Variants in MAGI2 observed in about 807,000 individuals in gnomAD.
The protein encoded by MAGI2 is membrane associated guanylate kinase, WW and PDZ domain containing 2.
In MAGI2, 35 loss-of-function variants were observed where a neutral mutation model predicts 133.3. The observed-to-expected ratio is 0.26, with a 90% CI of 0.20 to 0.35. MAGI2 has a LOEUF of 0.35. Ranked by LOEUF, MAGI2 falls within the 10% of genes least tolerant of loss-of-function variation. The pLI, the probability that MAGI2 is intolerant of heterozygous loss-of-function variation, is 1.00. For missense variants in MAGI2, 1,636 were observed against 1,863.4 expected, an observed-to-expected ratio of 0.88 and a Z score of 2.25; for synonymous variants, 729 against 710.6, an observed-to-expected ratio of 1.03 and a Z score of -0.41.
chr7:78,872,269 A>T (rs1584234405), intron 2 of MAGI2, among the ~76,000 whole-genome samples: 1 of 152,092 alleles, frequency 6.6e-6, no homozygotes, highest in South Asian at 2.1e-4. Flanking sequence ...ATGCAAAAAA[A>T]CCTAGATAAA....
chr7:78,275,873 A>G (rs1795013390), intron 9 of MAGI2, among the ~76,000 whole-genome samples: 1 of 152,222 alleles, frequency 6.6e-6, no homozygotes, highest in Non-Finnish European at 1.5e-5. Flanking sequence ...CAGTTCTCTT[A>G]GGTCTAGAAC....
At chr7:79,328,545 C>A (rs937307190) in intron 1 of MAGI2, among the ~76,000 whole-genome samples, 4 of 152,304 alleles carry the variant, frequency 2.6e-5, no homozygotes, top group African/African-American at 9.6e-5. Context: ...ATATTATGTA[C>A]ATTAAAGCAA....
At chr7:78,495,658 T>A (rs61593112) in intron 5 of MAGI2, among the ~76,000 whole-genome samples, 4,720 of 152,304 alleles carry the variant, frequency 0.031, 237 homozygotes, top group African/African-American at 0.11. Flanking sequence ...CTACTGTCAA[T>A]GAGTTCTTTA....
At chr7:78,143,211 C>T (rs955997102) in intron 16 of MAGI2, among the ~76,000 whole-genome samples, 15 of 151,976 alleles carry the variant, frequency 9.9e-5, no homozygotes, top group Admixed American at 4.6e-4. Flanking sequence ...AACAGCAAGC[C>T]GATTCAGTAA....
chr7:79,381,551 T>C (rs1378562539), intron 1 of MAGI2, among the ~76,000 whole-genome samples: 1 of 151,812 alleles, frequency 6.6e-6, no homozygotes, highest in Non-Finnish European at 1.5e-5. Context: ...CTATGTAGCG[T>C]CTATTAATGC....
rs138409985 is a variant in MAGI2, at chr7:78,512,452, C to G, written c.754+8978G>C. ...ACAGAGTCTTGCTCCATCGCCCAGG[C>G]TGGAGTGTAGTGGTGCGATCTCAGC... On this transcript the variant is annotated intron_variant, in intron 4 of 21. Transcript: ENST00000354212. Among the ~76,000 whole-genome samples the G allele has an allele frequency of 2.5e-3, 387 of 152,298 alleles. 9 individuals are homozygous for G. The East Asian group carries it at 0.045, about 18-fold the overall frequency.
At chr7:78,911,290 A>T (rs1377076743) in intron 2 of MAGI2, among the ~76,000 whole-genome samples, 1 of 152,196 alleles carries the variant, frequency 6.6e-6, no homozygotes, top group South Asian at 2.1e-4. Context: ...TGATTGATTA[A>T]CCAACTGTAT....
intron 9 of MAGI2, among the ~76,000 whole-genome samples, chr7:78,310,101 GTTTT>G (rs750769326): frequency 1.1e-3 from 173 of 152,104 alleles, no homozygotes; most frequent in Admixed American, 2.7e-3. Context: ...ATTAAAATAA[GTTTT>G]TTATTTTATG....
intron 1 of MAGI2, among the ~76,000 whole-genome samples, chr7:79,058,785 T>G (rs1219281727): frequency 3.3e-5 from 5 of 152,118 alleles, no homozygotes; most frequent in Non-Finnish European, 7.4e-5. Context: ...AGAATTGCAG[T>G]GGACCATTAG....
intron 1 of MAGI2, among the ~76,000 whole-genome samples, chr7:79,101,672 C>T (rs1426259400): frequency 1.4e-5 from 2 of 140,996 alleles, no homozygotes; most frequent in African/African-American, 2.6e-5. Flanking sequence ...TGTAGTGAGC[C>T]GAGATCGCGC....
rs904172403 is a variant in MAGI2 at position 78,315,244 on chromosome 7, G to T, written c.1408+28534C>A. On this transcript the variant is annotated intron_variant, in intron 9 of 21. Coordinates refer to ENST00000354212, the MANE Select transcript of MAGI2 (RefSeq NM_012301.4). ...GGACATCAGTAAGCAATATGACCTG[G>T]TATTAAGTGAGAGACATCACTTGGG... Among the ~76,000 whole-genome samples, 4 of 152,078 alleles carry T rather than the reference G, an allele frequency of 2.6e-5. No individual in the cohort carries two copies. The South Asian group carries it at 8.3e-4, about 32-fold the overall frequency.
At chr7:78,559,604 G>A (rs559807744) in intron 3 of MAGI2, among the ~76,000 whole-genome samples, 1 of 152,150 alleles carries the variant, frequency 6.6e-6, no homozygotes, top group South Asian at 2.1e-4. Context: ...AAATTGTCCT[G>A]CTGAAAGGGA....
At chr7:78,592,353 T>TTTTTC (rs71858517) in intron 3 of MAGI2, among the ~76,000 whole-genome samples, 1 of 151,738 alleles carries the variant, frequency 6.6e-6, no homozygotes, top group East Asian at 1.9e-4. Flanking sequence ...TTTTTTTTTT[T>TTTTTC]CCTGTAAAGG....
At chr7:78,635,755 C>T (rs1286162560) in intron 2 of MAGI2, among the ~76,000 whole-genome samples, 1 of 152,208 alleles carries the variant, frequency 6.6e-6, no homozygotes, top group Non-Finnish European at 1.5e-5. Context: ...AAGTTGGTCA[C>T]AGTTACTCAT....
chr7:78,555,170 A>AAATAAATAAATAAATG (rs1163688347), intron 3 of MAGI2, among the ~76,000 whole-genome samples: 680 of 66,176 alleles, frequency 0.01, 4 homozygotes, highest in African/African-American at 0.02. Flanking sequence ...ATAAATAAAT[A>AAATAAATAAATAAATG]AATGAATGAT....
At chr7:78,212,838 A>C (rs896512151) in intron 10 of MAGI2, among the ~76,000 whole-genome samples, 2 of 152,038 alleles carry the variant, frequency 1.3e-5, no homozygotes, top group Admixed American at 1.3e-4. Flanking sequence ...GTACTGCCAC[A>C]CCCGGTTAAC....
intron 9 of MAGI2, among the ~76,000 whole-genome samples, chr7:78,295,932 C>T (rs12530571): frequency 0.17 from 26,505 of 152,062 alleles, 3,109 homozygotes; most frequent in Middle Eastern, 0.29. Context: ...TCTCCCTCTT[C>T]TTACTCCAAT....
intron 2 of MAGI2, among the ~76,000 whole-genome samples, chr7:78,891,510 C>A (rs576441627): frequency 6.6e-6 from 1 of 152,290 alleles, no homozygotes; most frequent in Non-Finnish European, 1.5e-5. Flanking sequence ...TCCAGCAGCA[C>A]ATCAAAAAGC....
chr7:79,075,841 C>T lies in MAGI2; in HGVS notation c.302-68635G>A, dbSNP rs112466945. Among the ~76,000 whole-genome samples the T allele has an allele frequency of 4.6e-3, 703 of 152,154 alleles. 8 individuals carry two copies. Among genetic ancestry groups the T allele is most frequent in the African/African-American group, 0.016 (660 of 41,510 alleles). On this transcript the variant is annotated intron_variant, in intron 1 of 21. Coordinates refer to ENST00000354212, the MANE Select transcript of MAGI2 (RefSeq NM_012301.4). ...AGGGAAAACACAACTATTTCTAAAACAGGAAGGGATAAGTTGTAAACAACA... is the reference window on the plus strand; with the variant it reads ...AGGGAAAACACAACTATTTCTAAAATAGGAAGGGATAAGTTGTAAACAACA...
Sources: gnomAD v4.1 joint callset for allele counts (sites outside exome capture counted in the v4.1 genomes callset) on GRCh38, gnomAD v4.1.1 for gene constraint, MANE v1.5 for transcripts, NCBI Gene and HGNC (gene_info 2026-07-23, HGNC 2026-07-21) for gene names.